SLA: variants seen among roughly 807,000 people sequenced by gnomAD.
The protein encoded by SLA is Src like adaptor, also known as src-like-adapter.
SLA carries 16 observed loss-of-function variants against 30.3 expected under a neutral mutation model. The ratio of observed to expected loss-of-function variants is 0.53; its 90% CI spans 0.36 to 0.80. The LOEUF is 0.80. SLA is among the 30% of genes least tolerant of loss of function. The pLI is 0.01. For missense variants in SLA, 310 were observed against 345.2 expected, an observed-to-expected ratio of 0.90 and a Z score of 0.81; for synonymous variants, 143 against 137.8, an observed-to-expected ratio of 1.04 and a Z score of -0.26.
chr8:133,043,035 C>T (rs1307686602), intron 7 of SLA, among the ~76,000 whole-genome samples: 6 of 152,098 alleles, frequency 3.9e-5, no homozygotes, highest in Non-Finnish European at 7.4e-5. Context: ...ATAAAAGTGG[C>T]CATGTGGCTC....
Position 133,069,856 on chromosome 8 carries a change from G to C in SLA, c.-41+4997C>G, listed in dbSNP as rs138081600. Among the ~76,000 whole-genome samples the C allele has an allele frequency of 3.2e-3, 484 of 151,886 alleles. 6 individuals carry two copies. The highest frequency in any genetic ancestry group is 0.011 in the African/African-American group (455 of 41,408). ...ATCTTGACTAAAAATACAAAAATCA[G>C]CTGGGCGTGGTGGCAGGTGCTGAAA... On this transcript the variant is annotated intron_variant, in intron 2 of 8. Transcript: ENST00000338087.
chr8:133,091,918 G>A (rs888490197), intron 1 of SLA, among the ~76,000 whole-genome samples: 2 of 151,248 alleles, frequency 1.3e-5, no homozygotes, highest in Non-Finnish European at 1.5e-5. Flanking sequence ...TCCATCTGTG[G>A]CTACGTCTGT....
At chr8:133,049,197 C>G (rs1354084805) in intron 5 of SLA, 2 of 455,442 alleles carry the variant, frequency 4.4e-6, no homozygotes, top group East Asian at 1.4e-4. Context: ...CAGGGGAAAG[C>G]AGGGTGCTTA....
intron 2 of SLA, among the ~76,000 whole-genome samples, chr8:133,066,941 C>G (rs1843117908): frequency 6.6e-6 from 1 of 152,146 alleles, no homozygotes; most frequent in Non-Finnish European, 1.5e-5. Flanking sequence ...CCAAAGAGTC[C>G]TCAAATCTGA....
At chr8:133,082,817 C>T (rs538656362) in intron 1 of SLA, among the ~76,000 whole-genome samples, 1 of 146,222 alleles carries the variant, frequency 6.8e-6, no homozygotes, top group Non-Finnish European at 1.6e-5. Flanking sequence ...ACTTTCATGG[C>T]ATATACTTTT....
At chr8:133,055,365 GCA>G (rs869172140) in intron 3 of SLA, among the ~76,000 whole-genome samples, 772 of 62,244 alleles carry the variant, frequency 0.012, 8 homozygotes, top group Middle Eastern at 0.062. Context: ...ACGCACGCGC[GCA>G]CACACACACA....
At chr8:133,065,198 C>CA (rs1369307786) in intron 2 of SLA, among the ~76,000 whole-genome samples, 1 of 152,224 alleles carries the variant, frequency 6.6e-6, no homozygotes, top group East Asian at 1.9e-4. Flanking sequence ...CACAATTGGT[C>CA]AGCAAGCATC....
intron 1 of SLA, among the ~76,000 whole-genome samples, chr8:133,099,884 GC>G (rs1371479650): frequency 6.6e-6 from 1 of 152,080 alleles, no homozygotes; most frequent in Non-Finnish European, 1.5e-5. Context: ...TTTTGTGCTA[GC>G]CCCCAACTCT....
chr8:133,043,535 A>C (rs1838727422), intron 7 of SLA, among the ~76,000 whole-genome samples: 1 of 152,208 alleles, frequency 6.6e-6, no homozygotes, highest in South Asian at 2.1e-4. Context: ...AACGCACTAC[A>C]TGAACGATTG....
intron 3 of SLA, among the ~76,000 whole-genome samples, chr8:133,054,648 T>C (rs1005634406): frequency 6.6e-6 from 1 of 152,248 alleles, no homozygotes; most frequent in Admixed American, 6.5e-5. Flanking sequence ...TGCAAACTAG[T>C]AAACTTGATA....
intron 1 of SLA, among the ~76,000 whole-genome samples, chr8:133,093,034 T>C (rs1847812193): frequency 6.6e-6 from 1 of 152,128 alleles, no homozygotes; most frequent in Non-Finnish European, 1.5e-5. Flanking sequence ...TCACATCTCC[T>C]CTCTGCCTGC....
intron 6 of SLA, chr8:133,047,589 A>T: frequency 1.8e-6 from 1 of 541,146 alleles, no homozygotes; most frequent in African/African-American, 1.9e-5. Context: ...AGCAGGAGTC[A>T]TCAGGCCTGA....
chr8:133,056,172 T>C (rs1331798099), intron 3 of SLA, among the ~76,000 whole-genome samples: 1 of 152,216 alleles, frequency 6.6e-6, no homozygotes, highest in Non-Finnish European at 1.5e-5. Flanking sequence ...TAAAAATTAA[T>C]TTACTTAAAA....
chr8:133,093,188 G>T (rs913790971), intron 1 of SLA, among the ~76,000 whole-genome samples: 1 of 147,024 alleles, frequency 6.8e-6, no homozygotes, highest in Non-Finnish European at 1.5e-5. Flanking sequence ...AAAAAAAGCT[G>T]CCCTGCTCAT....
intron 1 of SLA, among the ~76,000 whole-genome samples, chr8:133,090,471 C>T (rs554860387): frequency 2.0e-5 from 3 of 152,318 alleles, no homozygotes; most frequent in Admixed American, 6.5e-5. Context: ...CACAGGGAAG[C>T]GAAGCAAGTT....
chr8:133,082,273 C>G (rs1845863796), intron 1 of SLA, among the ~76,000 whole-genome samples: 1 of 152,140 alleles, frequency 6.6e-6, no homozygotes, highest in Non-Finnish European at 1.5e-5. Context: ...AGGAGTGTAT[C>G]TGTTTGGCCA....
intron 1 of SLA, among the ~76,000 whole-genome samples, chr8:133,092,064 C>T (rs769770354): frequency 1.3e-5 from 2 of 152,156 alleles, no homozygotes; most frequent in Admixed American, 6.5e-5. Flanking sequence ...AGCAAGTCTC[C>T]TGTGTTGTGT....
At chr8:133,058,333 G>C (rs762790358) in intron 3 of SLA, among the ~76,000 whole-genome samples, 20 of 152,210 alleles carry the variant, frequency 1.3e-4, no homozygotes, top group Non-Finnish European at 2.5e-4. Flanking sequence ...TCTTCACCAG[G>C]GGGTGGAGGG....
intron 3 of SLA, among the ~76,000 whole-genome samples, chr8:133,052,336 G>C (rs1840567698): frequency 6.6e-6 from 1 of 152,238 alleles, no homozygotes; most frequent in Admixed American, 6.5e-5. Flanking sequence ...ATTTGGGGAA[G>C]CTGAGTCCCT....
Sources: gnomAD v4.1 joint callset for allele counts (sites outside exome capture counted in the v4.1 genomes callset) on GRCh38, gnomAD v4.1.1 for gene constraint, MANE v1.5 for transcripts, NCBI Gene and HGNC (gene_info 2026-07-23, HGNC 2026-07-21) for gene names.